The following ENDOD1 variants were observed in gnomAD, a reference collection of about 807,000 sequenced individuals.
The protein encoded by ENDOD1 is endonuclease domain-containing 1 protein.
ENDOD1 carries 9 observed loss-of-function variants against 6.5 expected under a neutral mutation model. The observed-to-expected ratio is 1.39, with a 90% CI of 0.84 to 2.43. ENDOD1 has a LOEUF of 2.43. Among genes scored for constraint, ENDOD1 ranks in the 30% most tolerant of loss-of-function variants. The pLI is 0.00. For missense variants in ENDOD1, 648 were observed against 635.5 expected (o/e 1.02, Z -0.21); for synonymous variants, 255 against 255.2 (o/e 1.00, Z 0.01).
chr11:95,101,866 A>C (rs1859043930), intron 1 of ENDOD1, among the ~76,000 whole-genome samples: 1 of 152,236 alleles, frequency 6.6e-6, no homozygotes, highest in Non-Finnish European at 1.5e-5. Context: ...ATTTTAACTT[A>C]GAAATAGAAG....
intron 1 of ENDOD1, among the ~76,000 whole-genome samples, chr11:95,101,040 G>A (rs550710059): frequency 6.6e-6 from 1 of 152,058 alleles, no homozygotes; most frequent in African/African-American, 2.4e-5. Context: ...TGAAGGCAGG[G>A]GCCAGGACTA....
At chr11:95,123,937 T>G (rs1027770501) in intron 1 of ENDOD1, among the ~76,000 whole-genome samples, 5 of 151,320 alleles carry the variant, frequency 3.3e-5, no homozygotes, top group African/African-American at 7.3e-5. Flanking sequence ...TCCTGTTGGG[T>G]TTTTTTTTGT....
At chr11:95,109,951 C>G (rs1232584534) in intron 1 of ENDOD1, among the ~76,000 whole-genome samples, 1 of 152,268 alleles carries the variant, frequency 6.6e-6, no homozygotes, top group Non-Finnish European at 1.5e-5. Context: ...TAGGCCAGTT[C>G]TTTTTCTGTT....
intron 1 of ENDOD1, among the ~76,000 whole-genome samples, chr11:95,097,048 T>C (rs1240134665): frequency 1.3e-5 from 2 of 151,470 alleles, no homozygotes; most frequent in African/African-American, 2.4e-5. Flanking sequence ...CAACTACTCA[T>C]GGAGGCTAAG....
chr11:95,113,922 A>G (rs1268981709), intron 1 of ENDOD1, among the ~76,000 whole-genome samples: 2 of 152,034 alleles, frequency 1.3e-5, no homozygotes, highest in Non-Finnish European at 2.9e-5. Flanking sequence ...CTGCATCTTT[A>G]CCAGCATTTG....
Position 95,110,597 on chromosome 11 carries a change from G to T in ENDOD1, c.301-17780G>T, listed in dbSNP as rs184081213. On this transcript the variant is annotated intron_variant, in intron 1 of 1. Coordinates refer to ENST00000278505, the MANE Select transcript of ENDOD1 (RefSeq NM_015036.3). The stretch of plus-strand genomic sequence containing the variant: ...TCCGTGTATGTATGTGTGTGTGTGT[G>T]TGTGTGTGTGTGTGCTTTTTAAAGC... Among the ~76,000 whole-genome samples, 12 of 152,030 alleles carry T rather than the reference G, an allele frequency of 7.9e-5. No individual in the cohort carries two copies. In the East Asian group the frequency reaches 2.1e-3, roughly 27 times the overall value.
intron 1 of ENDOD1, among the ~76,000 whole-genome samples, chr11:95,108,490 T>C (rs947588429): frequency 1.3e-4 from 8 of 62,380 alleles, no homozygotes; most frequent in African/African-American, 6.7e-4. Context: ...ATTTCTCTTT[T>C]CTAAACACAC....
At chr11:95,106,332 G>A (rs1460845199) in intron 1 of ENDOD1, among the ~76,000 whole-genome samples, 1 of 152,164 alleles carries the variant, frequency 6.6e-6, no homozygotes, top group Non-Finnish European at 1.5e-5. Flanking sequence ...TAGTGACAGG[G>A]GCAGTTGTAG....
chr11:95,107,662 CT>C (rs146550487), intron 1 of ENDOD1, among the ~76,000 whole-genome samples: 18,738 of 151,350 alleles, frequency 0.12, 1,463 homozygotes, highest in African/African-American at 0.22. Context: ...AGTCCGCACA[CT>C]TTTTTTTGTT....
intron 1 of ENDOD1, among the ~76,000 whole-genome samples, chr11:95,122,115 T>C (rs1859267441): frequency 6.6e-6 from 1 of 152,238 alleles, no homozygotes; most frequent in African/African-American, 2.4e-5. Context: ...CATTAAACCA[T>C]GTCTGTAGAG....
intron 1 of ENDOD1, among the ~76,000 whole-genome samples, chr11:95,098,070 C>G (rs1555110498): frequency 6.6e-6 from 1 of 151,974 alleles, no homozygotes; most frequent in African/African-American, 2.4e-5. Context: ...CTTTAATGAG[C>G]ATTTCCTTTG....
At chr11:95,108,495 AC>A (rs2134167010) in intron 1 of ENDOD1, among the ~76,000 whole-genome samples, 1 of 1,300 alleles carries the variant, frequency 7.7e-4, no homozygotes, top group African/African-American at 1.6e-3. Flanking sequence ...TCTTTTCTAA[AC>A]ACACACACAC....
chr11:95,100,143 A>G (rs2134163172), intron 1 of ENDOD1, among the ~76,000 whole-genome samples: 1 of 152,222 alleles, frequency 6.6e-6, no homozygotes, highest in East Asian at 1.9e-4. Flanking sequence ...TGATGACCTT[A>G]CTTTCTGCTC....
chr11:95,115,598 C>G (rs1859200876), intron 1 of ENDOD1, among the ~76,000 whole-genome samples: 1 of 152,062 alleles, frequency 6.6e-6, no homozygotes, highest in African/African-American at 2.4e-5. Flanking sequence ...GAAAGACTTT[C>G]AGTTTTTCCC....
chr11:95,129,316 C>T lies in ENDOD1; in HGVS notation c.1240C>T (p.Arg414Trp), dbSNP rs543832194. The T allele has an allele frequency of 7.6e-5, 123 of 1,614,184 alleles. No homozygotes were observed. Among genetic ancestry groups the T allele is most frequent in the East Asian group, 6.0e-4 (27 of 44,876 alleles). Residue 414 changes from arginine (R) to tryptophan (W), a missense_variant, in exon 2 of 2, where the codon CGG becomes TGG. By Grantham distance (101) the Arg-to-Trp change is moderately radical (BLOSUM62 -3). Coordinates refer to ENST00000278505, the MANE Select transcript of ENDOD1 (RefSeq NM_015036.3). ...GGCCAAAGTCATCAGGGCTCTCCTC[C>T]GGATCCTTTGTTGTCTGCTGAAGGC... Reference protein sequence around the residue: ...VVAKVIRALLRILCCLLKAIC... With the variant: ...VVAKVIRALLWILCCLLKAIC...
Position 95,128,472 on chromosome 11 carries a change from A to G in ENDOD1, c.396A>G (p.Thr132=), listed in dbSNP as rs184192678. 5,005 of 1,614,236 alleles carry G rather than the reference A, an allele frequency of 3.1e-3. 16 individuals are homozygous for G. The highest frequency in any genetic ancestry group is 3.8e-3 in the South Asian group (344 of 91,084). ...TGGGAAGCAAGCAAGCCTTGAATAC[A>G]GATTACCTTGATTCTGATTACCAAA... ...NSLGSKQALN[T]DYLDSDYQRG... is the part of the protein sequence containing the mutation. Residue 132 remains threonine (T), a synonymous_variant, in exon 2 of 2, where the codon ACA becomes ACG. Coordinates refer to ENST00000278505, the MANE Select transcript of ENDOD1 (RefSeq NM_015036.3).
At position 95,117,178 on chromosome 11, in the gene ENDOD1, G is replaced by A. The variant is rs545761361; in HGVS notation, c.301-11199G>A. Among the ~76,000 whole-genome samples, 122 of 152,364 alleles carry A rather than the reference G, an allele frequency of 8.0e-4. 4 individuals are homozygous for A. The South Asian group carries it at 0.025, about 32-fold the overall frequency. On this transcript the variant is annotated intron_variant, in intron 1 of 1. Transcript: ENST00000278505. ...TAATCCCAGCACTTTGGGAGGCTGAGTCAGGCAGATCACCTCAGGTCAGGA... is the reference window on the plus strand; with the variant it reads ...TAATCCCAGCACTTTGGGAGGCTGAATCAGGCAGATCACCTCAGGTCAGGA...
intron 1 of ENDOD1, among the ~76,000 whole-genome samples, chr11:95,105,618 T>G (rs1859082026): frequency 6.6e-6 from 1 of 152,168 alleles, no homozygotes. Flanking sequence ...CCCCTCCCTG[T>G]GTCCATGTGT....
intron 1 of ENDOD1, among the ~76,000 whole-genome samples, chr11:95,107,289 G>A (rs1859098442): frequency 6.6e-6 from 1 of 151,014 alleles, no homozygotes. Context: ...AGCAGAGATC[G>A]GGACACTACC....
Sources: gnomAD v4.1 joint callset for allele counts (sites outside exome capture counted in the v4.1 genomes callset) on GRCh38, gnomAD v4.1.1 for gene constraint, MANE v1.5 for transcripts, NCBI Gene and HGNC (gene_info 2026-07-23, HGNC 2026-07-21) for gene names.